SAXO1: variants seen among roughly 807,000 people sequenced by gnomAD.
SAXO1 encodes 4930500O09Rik.
A neutral mutation model predicts 17.5 loss-of-function variants in SAXO1; 21 were observed. The ratio of observed to expected loss-of-function variants is 1.20; its 90% CI spans 0.85 to 1.72. The LOEUF (loss-of-function observed/expected upper bound fraction) is 1.72. SAXO1 is among the 40% of genes most tolerant of loss of function. The pLI is 0.00. For synonymous variants in SAXO1, 274 were observed against 216.5 expected (o/e 1.27, Z -2.33); for missense variants, 843 against 596.0 (o/e 1.41, Z -4.32).
At chr9:18,950,018 C>T (rs1395009752) in intron 2 of SAXO1, among the ~76,000 whole-genome samples, 1 of 152,160 alleles carries the variant, frequency 6.6e-6, no homozygotes. Context: ...TTCCACTCTA[C>T]TAGATCACCA....
chr9:19,041,826 C>G (rs1175236572), intron 1 of SAXO1, among the ~76,000 whole-genome samples: 1 of 152,098 alleles, frequency 6.6e-6, no homozygotes, highest in African/African-American at 2.4e-5. Context: ...TCTAAGACCT[C>G]AAACCATGAA....
chr9:19,003,285 G>A (rs1048642335), intron 1 of SAXO1, among the ~76,000 whole-genome samples: 1 of 152,188 alleles, frequency 6.6e-6, no homozygotes, highest in Non-Finnish European at 1.5e-5. Flanking sequence ...GCATGGATAG[G>A]AAGAATCAAT....
chr9:18,939,018 G>A (rs1406246038), intron 3 of SAXO1, among the ~76,000 whole-genome samples: 1 of 151,956 alleles, frequency 6.6e-6, no homozygotes, highest in African/African-American at 2.4e-5. Flanking sequence ...AGGTGGAAGA[G>A]AGGGAACTGA....
At chr9:18,955,696 C>G (rs534080393) in intron 1 of SAXO1, among the ~76,000 whole-genome samples, 1 of 152,074 alleles carries the variant, frequency 6.6e-6, no homozygotes, top group East Asian at 1.9e-4. Context: ...TCTATAGCAC[C>G]AAGTTTCGGT....
intron 1 of SAXO1, among the ~76,000 whole-genome samples, chr9:19,045,287 G>A (rs977093990): frequency 7.8e-5 from 10 of 127,920 alleles, no homozygotes; most frequent in Non-Finnish European, 1.6e-4. Flanking sequence ...TCCGCAGTCC[G>A]GCCTGGGCGA....
At chr9:19,009,310 C>T (rs67844957) in intron 1 of SAXO1, among the ~76,000 whole-genome samples, 2 of 152,042 alleles carry the variant, frequency 1.3e-5, no homozygotes, top group Non-Finnish European at 2.9e-5. Context: ...AACTAAGTCA[C>T]CCCAACCATC....
At chr9:18,973,036 G>A (rs1563954444) in intron 1 of SAXO1, among the ~76,000 whole-genome samples, 1 of 152,208 alleles carries the variant, frequency 6.6e-6, no homozygotes, top group South Asian at 2.1e-4. Flanking sequence ...GCCACCCCTG[G>A]CTGCACGGGG....
intron 1 of SAXO1, among the ~76,000 whole-genome samples, chr9:18,951,481 C>T (rs1832038040): frequency 6.6e-6 from 1 of 152,206 alleles, no homozygotes; most frequent in Non-Finnish European, 1.5e-5. Flanking sequence ...CCAGACACCA[C>T]TGACTATGTG....
chr9:18,947,199 A>G (rs1831831879), intron 2 of SAXO1, among the ~76,000 whole-genome samples: 3 of 152,232 alleles, frequency 2.0e-5, no homozygotes, highest in Admixed American at 2.0e-4. Context: ...TACAGCTCTG[A>G]GTAAGAGAGT....
At chr9:18,937,402 A>G (rs1831347069) in intron 3 of SAXO1, among the ~76,000 whole-genome samples, 1 of 152,248 alleles carries the variant, frequency 6.6e-6, no homozygotes, top group Admixed American at 6.5e-5. Flanking sequence ...TTGTTGTGTC[A>G]TTCCCTGTGT....
chr9:18,969,680 C>G (rs1409504559), intron 1 of SAXO1, among the ~76,000 whole-genome samples: 8 of 152,168 alleles, frequency 5.3e-5, no homozygotes, highest in African/African-American at 1.7e-4. Flanking sequence ...AAGCACAATG[C>G]CTGGAACATC....
At chr9:18,994,722 C>T (rs1257812489) in intron 1 of SAXO1, among the ~76,000 whole-genome samples, 1 of 152,234 alleles carries the variant, frequency 6.6e-6, no homozygotes, top group African/African-American at 2.4e-5. Flanking sequence ...AAAGGAAGGG[C>T]TGCCCCCAAA....
intron 1 of SAXO1, among the ~76,000 whole-genome samples, chr9:18,987,894 C>T (rs1833659565): frequency 9.2e-6 from 1 of 108,190 alleles, no homozygotes; most frequent in Non-Finnish European, 2.3e-5. Context: ...GAGACCCTGT[C>T]TCAAAAAAAA....
At chr9:18,988,828 G>T (rs1236627505) in intron 1 of SAXO1, among the ~76,000 whole-genome samples, 3 of 152,116 alleles carry the variant, frequency 2.0e-5, no homozygotes, top group African/African-American at 7.2e-5. Context: ...AGACTCCTAT[G>T]GGAAAATATG....
chr9:18,967,891 A>T (rs1030496651), intron 1 of SAXO1, among the ~76,000 whole-genome samples: 2 of 152,160 alleles, frequency 1.3e-5, no homozygotes, highest in Admixed American at 1.3e-4. Context: ...CACACAAGGG[A>T]ATCTCCTGGT....
At chr9:19,033,943 T>C (rs1835867955), upstream of SAXO1, among the ~76,000 whole-genome samples, 1 of 152,162 alleles carries the variant, frequency 6.6e-6, no homozygotes, top group South Asian at 2.1e-4. Flanking sequence ...CCCCCTGGAA[T>C]AGTGTTTCTT....
chr9:19,041,483 G>A (rs904502665), intron 1 of SAXO1, among the ~76,000 whole-genome samples: 1 of 152,064 alleles, frequency 6.6e-6, no homozygotes, highest in Non-Finnish European at 1.5e-5. Flanking sequence ...ATTGAGAATA[G>A]CCAAAGCTAT....
At chr9:19,029,539 C>T (rs1012652060) in intron 1 of SAXO1, among the ~76,000 whole-genome samples, 4 of 152,178 alleles carry the variant, frequency 2.6e-5, no homozygotes, top group African/African-American at 9.7e-5. Context: ...AAATTCCTCG[C>T]TCCATCCCAA....
At chr9:19,044,131 T>C (rs2131074811) in intron 1 of SAXO1, among the ~76,000 whole-genome samples, 1 of 125,342 alleles carries the variant, frequency 8.0e-6, no homozygotes, top group African/African-American at 3.6e-5. Flanking sequence ...GGAGTGAGAC[T>C]CTGTCTTAAA....
Sources: allele counts gnomAD v4.1 joint callset (sites outside exome capture counted in the v4.1 genomes callset), GRCh38; gene constraint gnomAD v4.1.1; transcripts MANE v1.5; gene names NCBI Gene and HGNC (gene_info 2026-07-23, HGNC 2026-07-21).